IQCE: variants seen among roughly 807,000 people sequenced by gnomAD.
The protein encoded by IQCE is IQ domain-containing protein E.
IQCE carries 115 observed loss-of-function variants against 96.0 expected under a neutral mutation model. The ratio of observed to expected loss-of-function variants is 1.20; its 90% CI spans 1.03 to 1.40. The LOEUF (loss-of-function observed/expected upper bound fraction) is 1.40, where lower values mean the gene tolerates loss of function less well. IQCE is among the 40% of genes most tolerant of loss of function. The pLI is 0.00. For synonymous variants in IQCE, 412 were observed against 371.2 expected (o/e 1.11, Z -1.26); for missense variants, 1,041 against 909.1 (o/e 1.15, Z -1.87).
At position 2,559,103 on chromosome 7, in the gene IQCE, G is replaced by A. The variant is rs950705553; in HGVS notation, c.-79G>A. The stretch of plus-strand genomic sequence containing the variant: ...CAGGGAAGGCCCCGAGGCTGCGGGC[G>A]GCCAGGGCTGCCCGCGGATTCCCAG... On this transcript the variant is annotated 5_prime_UTR_variant, in exon 1 of 22. Coordinates refer to ENST00000402050, the MANE Select transcript of IQCE (RefSeq NM_152558.5). 1.2e-5 allele frequency: 11 copies of A among 889,852 alleles called. No homozygotes were observed. In the African/African-American group the frequency reaches 1.6e-4, roughly 13 times the overall value. 55.1% of individuals were successfully genotyped at this position (889,852 alleles called of 1,614,324 possible).
At chr7:2,587,750 A>G (rs751689925) in intron 12 of IQCE, 72 bp from the exon 13 acceptor site, 90 of 1,432,818 alleles carry the variant, frequency 6.3e-5, no homozygotes, top group Non-Finnish European at 8.7e-5. Flanking sequence ...GCCTCAGGCC[A>G]TACCTGAGAA....
chr7:2,585,276 G>A (rs1336087159), intron 11 of IQCE, among the ~76,000 whole-genome samples: 1 of 152,188 alleles, frequency 6.6e-6, no homozygotes, highest in Non-Finnish European at 1.5e-5. Flanking sequence ...GACCTCAGGT[G>A]ATCCGCCTGC....
chr7:2,613,267 G>C lies in IQCE; in HGVS notation c.*3105G>C, dbSNP rs1031317882. On this transcript the variant is annotated 3_prime_UTR_variant, in exon 22 of 22. Transcript: ENST00000402050. ...CCGTGCAGGTGGCTGGTGAGCCACA[G>C]GTGCAGTACCCGGAGGTGTGCTCTC... 2.0e-5 allele frequency: 3 copies of C among 152,412 alleles called. No individual in the cohort carries two copies. Among genetic ancestry groups the C allele is most frequent in the Admixed American group, 1.3e-4 (2 of 15,284 alleles). The allele number at this position is 152,412 out of a possible 1,614,324, so 9.4% of individuals were successfully genotyped here. A position where few individuals can be genotyped will look rare whatever the true frequency, so the allele number is the denominator to read the frequency against.
intron 1 of IQCE, among the ~76,000 whole-genome samples, chr7:2,559,948 C>G (rs778604205): frequency 9.2e-5 from 14 of 152,176 alleles, no homozygotes; most frequent in African/African-American, 3.4e-4. Context: ...CGCTTGAGGC[C>G]AAGAGTTCCA....
At chr7:2,592,931 C>T (rs1323751839) in intron 14 of IQCE, 91 bp from the exon 15 acceptor site, 1 of 1,399,854 alleles carries the variant, frequency 7.1e-7, no homozygotes, top group African/African-American at 1.4e-5. Context: ...TAAGGAAGGG[C>T]TGAGCACTGT....
At chr7:2,567,495 C>T (rs1244332702) in intron 2 of IQCE, among the ~76,000 whole-genome samples, 1 of 152,168 alleles carries the variant, frequency 6.6e-6, no homozygotes, top group Non-Finnish European at 1.5e-5. Context: ...CTAATGCCGT[C>T]GGAAGGACCC....
intron 16 of IQCE, among the ~76,000 whole-genome samples, chr7:2,595,260 G>A (rs148079570): frequency 9.2e-5 from 14 of 152,324 alleles, no homozygotes; most frequent in African/African-American, 3.4e-4. Flanking sequence ...GTAGTTATGC[G>A]GCCGGAGCTG....
At chr7:2,559,295 GC>G (rs1230462088) in intron 1 of IQCE, 78 bp downstream of exon 1, 2 of 903,404 alleles carry the variant, frequency 2.2e-6, no homozygotes, top group Non-Finnish European at 2.9e-6. Flanking sequence ...CAGCCTCGGG[GC>G]CCCGCGCAGG....
At position 2,565,363 on chromosome 7, in the gene IQCE, A is replaced by G. The variant is rs72503901; in HGVS notation, c.37-1753A>G. 0.027 allele frequency among the ~76,000 whole-genome samples: 4,108 copies of G among 152,182 alleles called. 278 individuals are homozygous for G. The East Asian group carries it at 0.27, about 10-fold the overall frequency. ...TGACTGCGTTTCACCTCTTCCCTGC[A>G]CTATGACCGGCAGGCTGGAGGCAGC... On this transcript the variant is annotated intron_variant, in intron 1 of 21. Transcript: ENST00000402050.
intron 1 of IQCE, among the ~76,000 whole-genome samples, chr7:2,562,555 G>A (rs1781042975): frequency 6.7e-6 from 1 of 149,032 alleles, no homozygotes; most frequent in Admixed American, 6.7e-5. Context: ...GTGGTTCTGG[G>A]TGTTTCTTTA....
chr7:2,586,247 G>C lies in IQCE; in HGVS notation c.864G>C (p.Lys288Asn). 6.2e-7 allele frequency: 1 copy of C among 1,614,072 alleles called. No individual in the cohort carries two copies. Among genetic ancestry groups the C allele is most frequent in the Non-Finnish European group, 8.5e-7 (1 of 1,179,980 alleles). Residue 288 changes from lysine to asparagine, a missense_variant, in exon 12 of 22, where the codon AAG becomes AAC. Physicochemically the swap from Lys to Asn is moderately conservative, Grantham distance 94 (BLOSUM62 0). Coordinates refer to ENST00000402050, the MANE Select transcript of IQCE (RefSeq NM_152558.5). ...GEKKTGAKRQ[K>N]KMGSALLSLS... ...AGAAGACGGGCGCCAAAAGGCAGAA[G>C]AAGATGGGCAGTGCCCTCCTGAGCT... is the stretch of plus-strand genomic sequence containing the variant.
At chr7:2,577,719 G>A (rs1782273593) in intron 6 of IQCE, among the ~76,000 whole-genome samples, 1 of 118,276 alleles carries the variant, frequency 8.5e-6, no homozygotes, top group African/African-American at 3.5e-5. Flanking sequence ...TGCGCGCGGG[G>A]ACGTGTGTGC....
chr7:2,605,990 A>C lies in IQCE; in HGVS notation c.1858A>C (p.Arg620=), dbSNP rs748656458. The change falls in exon 20 of 22, where the codon AGG becomes CGG. Residue 620 remains arginine, a synonymous_variant. Coordinates refer to ENST00000402050, the MANE Select transcript of IQCE (RefSeq NM_152558.5). ...SALRAHLARA[R]HSATGKRTTT... is the part of the protein sequence containing the mutation. ...TCTGCGGGCACACCTGGCCCGGGCC[A>C]GGCACAGGTGAGTCAGGGTCACGGG... 1.9e-6 allele frequency: 3 copies of C among 1,608,200 alleles called. No individual in the cohort carries two copies. The South Asian group carries it at 3.3e-5, about 18-fold the overall frequency.
chr7:2,607,533 T>C (rs1784924710), intron 21 of IQCE: 1 of 1,291,240 alleles, frequency 7.7e-7, no homozygotes, highest in Non-Finnish European at 9.8e-7. Context: ...TGTTTGTTTG[T>C]TGAGTAAAAC....
intron 14 of IQCE, among the ~76,000 whole-genome samples, chr7:2,591,280 G>C (rs1275763776): frequency 6.6e-6 from 1 of 151,972 alleles, no homozygotes; most frequent in African/African-American, 2.4e-5. Flanking sequence ...AGACATAAAT[G>C]CTATGAAATA....
At chr7:2,609,067 G>A (rs1004230323) in intron 21 of IQCE, among the ~76,000 whole-genome samples, 1 of 152,118 alleles carries the variant, frequency 6.6e-6, no homozygotes, top group Non-Finnish European at 1.5e-5. Context: ...CAGGCTCCCC[G>A]GCAAGGAGCT....
At position 2,607,226 on chromosome 7, in the gene IQCE, T is replaced by C; in HGVS notation, c.1968T>C (p.Pro656=). Reference sequence around the variant, plus strand: ...CCCCACCCTTCCTCGCAGCTCTTCCTGGTAATTTCATTCATTTGGATTCTG... The same window carrying C: ...CCCCACCCTTCCTCGCAGCTCTTCCCGGTAATTTCATTCATTTGGATTCTG... ...ASSPPFLAAL[P]DPSPSGPQAL... is the part of the protein sequence containing the mutation. Residue 656 remains proline, a splice_region_variant and synonymous_variant, in exon 21 of 22, where the codon CCT becomes CCC. Coordinates refer to ENST00000402050, the MANE Select transcript of IQCE (RefSeq NM_152558.5). 6.2e-7 allele frequency: 1 copy of C among 1,613,714 alleles called. No individual in the cohort carries two copies. The highest frequency in any genetic ancestry group is 8.5e-7 in the Non-Finnish European group (1 of 1,179,812).
At chr7:2,587,781 C>A in intron 12 of IQCE, 41 bp from the exon 13 acceptor site, 6 of 1,598,982 alleles carry the variant, frequency 3.8e-6, no homozygotes, top group Non-Finnish European at 5.1e-6. Flanking sequence ...GCTGGCAGTG[C>A]CCACCAGGAT....
At chr7:2,567,092 C>A in intron 1 of IQCE, 24 bp from the exon 2 acceptor site, 1 of 1,610,284 alleles carries the variant, frequency 6.2e-7, no homozygotes, top group Non-Finnish European at 8.5e-7. Context: ...CGTCGAGTTA[C>A]AGTGTTTGCC....
Sources: allele counts gnomAD v4.1 joint callset (sites outside exome capture counted in the v4.1 genomes callset), GRCh38; gene constraint gnomAD v4.1.1; transcripts MANE v1.5; gene names NCBI Gene and HGNC (gene_info 2026-07-23, HGNC 2026-07-21).